The following AKAP10 variants were observed in gnomAD, a reference collection of about 807,000 sequenced individuals.
AKAP10 encodes A-kinase anchor protein 10, mitochondrial.
Under a neutral mutation model 80.8 loss-of-function variants are expected in AKAP10, and 24 were observed. That is an observed-to-expected ratio of 0.30 (90% CI 0.22 to 0.42). The LOEUF is 0.42. Among genes scored for constraint, AKAP10 ranks in the 10% least tolerant of loss-of-function variants. AKAP10 has a pLI of 1.00. For synonymous variants in AKAP10, 291 were observed against 277.7 expected (o/e 1.05, Z -0.48); for missense variants, 661 against 794.9 (o/e 0.83, Z 2.03).
chr17:19,946,262 T>TA (rs1366565444), intron 5 of AKAP10, among the ~76,000 whole-genome samples: 4 of 29,662 alleles, frequency 1.3e-4, no homozygotes, highest in Non-Finnish European at 1.8e-4. Flanking sequence ...TATATATATA[T>TA]ATATATATAT....
At position 19,904,791 on chromosome 17, in the gene AKAP10, A is replaced by T. The variant is rs1319628992; in HGVS notation, c.*1436T>A. On this transcript the variant is annotated 3_prime_UTR_variant, in exon 15 of 15. Transcript: ENST00000225737. ...AATAGAATTCATATATATATATTTT[A>T]AAATCAAACACAATTAAATATAATA... The T allele has an allele frequency of 1.3e-5, 2 of 152,088 alleles. No individual in the cohort carries two copies. The highest frequency in any genetic ancestry group is 2.4e-5 in the African/African-American group (1 of 41,450). 9.4% of individuals were successfully genotyped at this position (152,088 alleles called of 1,614,324 possible). A position where few individuals can be genotyped will look rare whatever the true frequency, so the allele number is the denominator to read the frequency against.
rs921506691 is a variant in AKAP10, at chr17:19,909,329, G to T, written c.1888-53C>A. 6.2e-6 allele frequency: 9 copies of T among 1,463,126 alleles called. No homozygotes were observed. The African/African-American group carries it at 9.8e-5, about 16-fold the overall frequency. The allele number at this position is 1,463,126 out of a possible 1,614,324, so 90.6% of individuals were successfully genotyped here. A position where few individuals can be genotyped will look rare whatever the true frequency, so the allele number is the denominator to read the frequency against. On this transcript the variant is annotated intron_variant, in intron 13 of 14. Coordinates refer to ENST00000225737, the MANE Select transcript of AKAP10 (RefSeq NM_007202.4). The stretch of plus-strand genomic sequence containing the variant: ...AATGGTTATTCATTAGATGGATCGA[G>T]ATGCACATACTCAGTGCTCTTAACA...
At chr17:19,927,608 G>C (rs969510778) in intron 10 of AKAP10, among the ~76,000 whole-genome samples, 5 of 152,130 alleles carry the variant, frequency 3.3e-5, no homozygotes, top group Non-Finnish European at 7.4e-5. Flanking sequence ...AGACCAGCCT[G>C]GGCAATATAA....
At chr17:19,976,399 TA>T (rs1319122271) in intron 1 of AKAP10, among the ~76,000 whole-genome samples, 1 of 151,696 alleles carries the variant, frequency 6.6e-6, no homozygotes, top group Admixed American at 6.6e-5. Context: ...GAGAATCGAT[TA>T]AACCTGGGAG....
chr17:19,928,833 G>A (rs757765241), intron 10 of AKAP10, among the ~76,000 whole-genome samples: 1 of 152,178 alleles, frequency 6.6e-6, no homozygotes, highest in Non-Finnish European at 1.5e-5. Context: ...TTGTGCCACT[G>A]CACTCCAGCC....
chr17:19,951,914 TAA>T (rs759583171), intron 4 of AKAP10, among the ~76,000 whole-genome samples: 4 of 86,026 alleles, frequency 4.6e-5, no homozygotes, highest in African/African-American at 9.4e-5. Flanking sequence ...AAATAAGAAT[TAA>T]AAAAAAAAAA....
chr17:19,922,024 A>G (rs968185198), intron 11 of AKAP10, among the ~76,000 whole-genome samples: 4 of 152,236 alleles, frequency 2.6e-5, no homozygotes, highest in Admixed American at 2.6e-4. Flanking sequence ...AGTGCATACC[A>G]TAAGAATGAT....
chr17:19,961,802 C>T (rs995941796), intron 3 of AKAP10, among the ~76,000 whole-genome samples: 3 of 152,112 alleles, frequency 2.0e-5, no homozygotes, highest in African/African-American at 4.8e-5. Flanking sequence ...CATTTTCCCA[C>T]GTCTTTTTTA....
chr17:19,968,843 A>T (rs534211542), intron 1 of AKAP10, among the ~76,000 whole-genome samples: 8 of 152,332 alleles, frequency 5.3e-5, no homozygotes, highest in East Asian at 1.9e-4. Flanking sequence ...GATGAAAAAA[A>T]ATATATACCT....
rs1008644229 is a variant in AKAP10, at chr17:19,911,860, A to G, written c.1835-1882T>C. 2.6e-4 allele frequency among the ~76,000 whole-genome samples: 37 copies of G among 142,764 alleles called. 1 individual carries two copies. The highest frequency in any genetic ancestry group is 1.0e-4 in the Non-Finnish European group (7 of 67,318). 93.7% of individuals were successfully genotyped at this position (142,764 alleles called of 152,430 possible). On this transcript the variant is annotated intron_variant, in intron 12 of 14. Transcript: ENST00000225737. ...CAAAAAAAAAAAAAAAAAAAAAAAA[A>G]AAAAAAAAAGAAATCTCTGATGTCT...
chr17:19,934,206 T>A (rs1444156914), intron 9 of AKAP10, among the ~76,000 whole-genome samples: 2 of 152,022 alleles, frequency 1.3e-5, no homozygotes, highest in Non-Finnish European at 2.9e-5. Flanking sequence ...CAGATGTGAG[T>A]CGCCGTGCCT....
At chr17:19,924,545 T>A in intron 10 of AKAP10, 28 bp from the exon 11 acceptor site, 2 of 1,476,166 alleles carry the variant, frequency 1.4e-6, no homozygotes, top group Non-Finnish European at 1.9e-6. Flanking sequence ...AAATTAGAAG[T>A]ATATGAAACA....
intron 3 of AKAP10, among the ~76,000 whole-genome samples, chr17:19,962,526 T>C (rs2043365168): frequency 6.6e-6 from 1 of 152,244 alleles, no homozygotes; most frequent in Non-Finnish European, 1.5e-5. Flanking sequence ...TATGCTAATG[T>C]GTTAGGAGAA....
intron 1 of AKAP10, among the ~76,000 whole-genome samples, chr17:19,969,804 G>GA (rs1036942329): frequency 6.6e-6 from 1 of 151,922 alleles, no homozygotes; most frequent in African/African-American, 2.4e-5. Flanking sequence ...AGACTAACAT[G>GA]AAAAAAATAA....
chr17:19,955,358 T>C (rs2043263675), intron 4 of AKAP10, among the ~76,000 whole-genome samples: 1 of 152,174 alleles, frequency 6.6e-6, no homozygotes, highest in African/African-American at 2.4e-5. Context: ...ACCCTTATAG[T>C]GGTGACAGTT....
intron 4 of AKAP10, among the ~76,000 whole-genome samples, chr17:19,955,002 T>C (rs558366403): frequency 1.3e-5 from 2 of 152,030 alleles, no homozygotes; most frequent in Admixed American, 1.3e-4. Flanking sequence ...GGTGGATCAC[T>C]TGAGGTCAAG....
chr17:19,947,109 C>T (rs911516941), intron 5 of AKAP10: 12 of 349,844 alleles, frequency 3.4e-5, no homozygotes, highest in East Asian at 2.1e-4. Context: ...CCAGTCCATC[C>T]GGTGGTCTGT....
intron 2 of AKAP10, 134 bp downstream of exon 2, chr17:19,968,280 T>A: frequency 7.4e-6 from 4 of 543,958 alleles, no homozygotes; most frequent in Non-Finnish European, 1.3e-5. Flanking sequence ...GGGAAATAAA[T>A]CAAAATCATA....
At chr17:19,949,500 G>A (rs556785558) in intron 4 of AKAP10, among the ~76,000 whole-genome samples, 11 of 152,196 alleles carry the variant, frequency 7.2e-5, no homozygotes, top group South Asian at 2.1e-4. Flanking sequence ...AGCCGGGCGC[G>A]GTGGCTCACG....
Sources: gnomAD v4.1 joint callset for allele counts (sites outside exome capture counted in the v4.1 genomes callset) on GRCh38, gnomAD v4.1.1 for gene constraint, MANE v1.5 for transcripts, NCBI Gene and HGNC (gene_info 2026-07-23, HGNC 2026-07-21) for gene names.